Variants in EFCAB8 observed in about 807,000 individuals in gnomAD.
EFCAB8 encodes the protein EF-hand calcium binding domain 8.
Under a neutral mutation model 116.3 loss-of-function variants are expected in EFCAB8, and 100 were observed. That is an observed-to-expected ratio of 0.86 (90% CI 0.73 to 1.02). The LOEUF (loss-of-function observed/expected upper bound fraction) is 1.02, where lower values mean the gene tolerates loss of function less well. Ranked by LOEUF, EFCAB8 falls within the 50% of genes least tolerant of loss-of-function variation. The pLI is 0.00. For missense variants in EFCAB8, 1,320 were observed against 1,416.9 expected (o/e 0.93, Z 1.10); for synonymous variants, 558 against 567.9 (o/e 0.98, Z 0.25).
chr20:32,961,560 A>G lies in EFCAB8; in HGVS notation c.3818A>G (p.Lys1273Arg). Residue 1273 changes from lysine (K) to arginine (R), a missense_variant, in exon 27 of 27, where the codon AAG becomes AGG. By Grantham distance (26) the Lys-to-Arg change is conservative. Transcript: ENST00000400522. Reference sequence around the variant, plus strand: ...TTCGAGCGGCCCCCAAGGCCTCTGAAGGCCACCTTCATGTCCTCTGTGAAG... The same window carrying G: ...TTCGAGCGGCCCCCAAGGCCTCTGAGGGCCACCTTCATGTCCTCTGTGAAG... ...SSFERPPRPL[K>R]ATFMSSVKGS... 1 of 1,401,122 alleles carries G rather than the reference A, an allele frequency of 7.1e-7. No individual in the cohort carries two copies. The allele number at this position is 1,401,122 out of a possible 1,614,324, so 86.8% of individuals were successfully genotyped here.
chr20:32,913,762 C>T (rs1987053349), intron 17 of EFCAB8, among the ~76,000 whole-genome samples: 1 of 151,560 alleles, frequency 6.6e-6, no homozygotes, highest in Admixed American at 6.6e-5. Context: ...AGGATAGACA[C>T]AAGGGAGAGA....
At position 32,935,098 on chromosome 20, in the gene EFCAB8, C is replaced by T. The variant is rs148981485; in HGVS notation, c.2790+3762C>T. On this transcript the variant is annotated intron_variant, in intron 22 of 26. Transcript: ENST00000400522. ...GGTGCTCAGCATTTTTTTTCTTGAA[C>T]CTGTTGGCCATTTGAATGTCTTCTT... Among the ~76,000 whole-genome samples, 772 of 151,282 alleles carry T rather than the reference C, an allele frequency of 5.1e-3. 2 individuals are homozygous for T. The highest frequency in any genetic ancestry group is 0.015 in the East Asian group (78 of 5,168).
At chr20:32,859,436 C>G (rs1329890935) in intron 1 of EFCAB8, among the ~76,000 whole-genome samples, 1 of 152,162 alleles carries the variant, frequency 6.6e-6, no homozygotes, top group Non-Finnish European at 1.5e-5. Context: ...CTTGGCCTCT[C>G]CCCTCTTGCT....
In EFCAB8 at chr20:32,906,362, G is replaced by T. The variant is rs562677890; in HGVS notation, c.1089-200G>T. ...ACTGGGCTGCTGCTTTGCCTGTGGT[G>T]CTGAGCCCTGACTTGGCTGCAGGGT... On this transcript the variant is annotated intron_variant, in intron 11 of 26. Coordinates refer to ENST00000400522, the MANE Select transcript of EFCAB8 (RefSeq NM_001143967.2). Among the ~76,000 whole-genome samples the T allele has an allele frequency of 3.9e-5, 6 of 152,242 alleles. No homozygotes were observed. In the East Asian group the frequency reaches 1.2e-3, roughly 29 times the overall value.
In EFCAB8 at chr20:32,961,205, A is replaced by C; in HGVS notation, c.3463A>C (p.Thr1155Pro). 2 of 1,552,102 alleles carry C rather than the reference A, an allele frequency of 1.3e-6. No individual in the cohort carries two copies. The highest frequency in any genetic ancestry group is 1.7e-6 in the Non-Finnish European group (2 of 1,147,072). Residue 1155 changes from threonine to proline, a missense_variant, in exon 27 of 27, where the codon ACC becomes CCC. By Grantham distance (38) the Thr-to-Pro change is conservative. Transcript: ENST00000400522. The stretch of plus-strand genomic sequence containing the variant: ...GCCGACTCAGCAGCCTGACTTCCTG[A>C]CCAGCAGGGGCCCAGACCAGCAAGA... ...LMPTQQPDFL[T>P]SRGPDQQDQH... is the part of the protein sequence containing the mutation.
At chr20:32,915,821 G>A (rs1303991888) in intron 17 of EFCAB8, among the ~76,000 whole-genome samples, 1 of 151,966 alleles carries the variant, frequency 6.6e-6, no homozygotes, top group African/African-American at 2.4e-5. Context: ...ATAAGTGTGT[G>A]CCACCACACC....
intron 23 of EFCAB8, among the ~76,000 whole-genome samples, chr20:32,950,697 C>G (rs1433747539): frequency 6.6e-6 from 1 of 152,110 alleles, no homozygotes; most frequent in Non-Finnish European, 1.5e-5. Flanking sequence ...CTTAGTGCAC[C>G]TGAAGGGAAA....
chr20:32,890,208 T>A (rs1368754850), intron 7 of EFCAB8, among the ~76,000 whole-genome samples: 2 of 152,022 alleles, frequency 1.3e-5, no homozygotes, highest in Non-Finnish European at 2.9e-5. Flanking sequence ...CCCCTCCCTG[T>A]GGTGCTGAGG....
At chr20:32,926,458 A>C (rs1470578156) in intron 20 of EFCAB8, among the ~76,000 whole-genome samples, 1 of 149,354 alleles carries the variant, frequency 6.7e-6, no homozygotes, top group Non-Finnish European at 1.5e-5. Context: ...AAACCTTGCA[A>C]TTTGTGGTGG....
intron 22 of EFCAB8, among the ~76,000 whole-genome samples, chr20:32,936,625 G>A (rs115952536): frequency 1.3e-3 from 199 of 152,266 alleles, no homozygotes; most frequent in African/African-American, 4.8e-3. Flanking sequence ...GACTATTAGT[G>A]CATGGGTTTA....
intron 6 of EFCAB8, among the ~76,000 whole-genome samples, chr20:32,886,814 G>A (rs910204387): frequency 7.9e-5 from 12 of 152,192 alleles, no homozygotes; most frequent in Non-Finnish European, 1.6e-4. Flanking sequence ...GCTTTGGCAG[G>A]AGTAGGCCTC....
Position 32,961,387 on chromosome 20 carries a change from C to T in EFCAB8, c.3645C>T (p.Ser1215=). 6.9e-7 allele frequency: 1 copy of T among 1,458,918 alleles called. No individual in the cohort carries two copies. The highest frequency in any genetic ancestry group is 1.5e-5 in the South Asian group (1 of 68,202). The allele number at this position is 1,458,918 out of a possible 1,614,324, so 90.4% of individuals were successfully genotyped here. Reference sequence around the variant, plus strand: ...CCTCAGCCTCCAGGCTGCTGGACTCCAGCTTGCCCACCTTCCTGACGCCCC... The same window carrying T: ...CCTCAGCCTCCAGGCTGCTGGACTCTAGCTTGCCCACCTTCCTGACGCCCC... ...VTASASRLLD[S]SLPTFLTPQF... Residue 1215 remains serine (S), a synonymous_variant, in exon 27 of 27, where the codon TCC becomes TCT. Coordinates refer to ENST00000400522, the MANE Select transcript of EFCAB8 (RefSeq NM_001143967.2).
intron 23 of EFCAB8, among the ~76,000 whole-genome samples, chr20:32,949,675 G>A (rs1432437800): frequency 1.3e-5 from 2 of 152,006 alleles, no homozygotes; most frequent in East Asian, 1.9e-4. Context: ...CAATGAACTT[G>A]GATCCACACC....
At chr20:32,879,468 A>G (rs949398144) in intron 5 of EFCAB8, among the ~76,000 whole-genome samples, 2 of 152,180 alleles carry the variant, frequency 1.3e-5, no homozygotes, top group African/African-American at 2.4e-5. Flanking sequence ...CCCTCTACCC[A>G]TCTGAGGTTC....
In EFCAB8 at chr20:32,911,429, G is replaced by T. The variant is rs1986913438; in HGVS notation, c.1558-51G>T. The T allele has an allele frequency of 4.9e-6, 7 of 1,422,050 alleles. No individual in the cohort carries two copies. In the South Asian group the frequency reaches 9.2e-5, roughly 19 times the overall value. The allele number at this position is 1,422,050 out of a possible 1,614,324, so 88.1% of individuals were successfully genotyped here. ...AAGGCAGGCTGGAGACCACCCTTGG[G>T]AGTGGAGGCCCCGGCCTCTCCAGCA... On this transcript the variant is annotated intron_variant, in intron 15 of 26. Coordinates refer to ENST00000400522, the MANE Select transcript of EFCAB8 (RefSeq NM_001143967.2).
rs1015647719 is a variant in EFCAB8 at position 32,961,390 on chromosome 20, C to T, written c.3648C>T (p.Ser1216=). 3.0e-5 allele frequency: 44 copies of T among 1,458,486 alleles called. No individual in the cohort carries two copies. Among genetic ancestry groups the T allele is most frequent in the Non-Finnish European group, 9.1e-7 (1 of 1,103,628 alleles). 90.3% of individuals were successfully genotyped at this position (1,458,486 alleles called of 1,614,324 possible). A position where few individuals can be genotyped will look rare whatever the true frequency, so the allele number is the denominator to read the frequency against. The change falls in exon 27 of 27, where the codon AGC becomes AGT. Residue 1216 remains serine, a synonymous_variant. Transcript: ENST00000400522. ...CAGCCTCCAGGCTGCTGGACTCCAGCTTGCCCACCTTCCTGACGCCCCAGT... is the reference window on the plus strand; with the variant it reads ...CAGCCTCCAGGCTGCTGGACTCCAGTTTGCCCACCTTCCTGACGCCCCAGT... The part of the protein sequence containing the change: ...TASASRLLDS[S]LPTFLTPQFS...
intron 15 of EFCAB8, among the ~76,000 whole-genome samples, chr20:32,910,314 G>A (rs1986862261): frequency 1.3e-5 from 2 of 152,192 alleles, no homozygotes; most frequent in South Asian, 4.1e-4. Flanking sequence ...TTGCAGGGAA[G>A]CCATAACTTG....
At chr20:32,905,772 AAG>A (rs1555858684) in intron 11 of EFCAB8, among the ~76,000 whole-genome samples, 1 of 150,588 alleles carries the variant, frequency 6.6e-6, no homozygotes, top group Non-Finnish European at 1.5e-5. Context: ...AAAAAAAAAA[AAG>A]GACATTCCTT....
chr20:32,887,472 A>C (rs1985690311), intron 6 of EFCAB8, among the ~76,000 whole-genome samples: 2 of 152,182 alleles, frequency 1.3e-5, no homozygotes, highest in South Asian at 4.1e-4. Flanking sequence ...GCTACTTGGG[A>C]GGCTGAGGCA....
Sources: allele counts gnomAD v4.1 joint callset (sites outside exome capture counted in the v4.1 genomes callset), GRCh38; gene constraint gnomAD v4.1.1; transcripts MANE v1.5; gene names NCBI Gene and HGNC (gene_info 2026-07-23, HGNC 2026-07-21).